The following DNAH9 variants were observed in gnomAD, a reference collection of about 807,000 sequenced individuals.
The protein encoded by DNAH9 is dynein axonemal heavy chain 9.
In DNAH9, 345 loss-of-function variants were observed where a neutral mutation model predicts 471.6. The observed-to-expected ratio is 0.73, with a 90% confidence interval of 0.67 to 0.80. The LOEUF is 0.80. Ranked by LOEUF, DNAH9 falls within the 30% of genes least tolerant of loss-of-function variation. The probability of loss-of-function intolerance (pLI) is 0.00; values close to 1 mark genes in which losing one functional copy is unlikely to be tolerated. For synonymous variants in DNAH9, 2,093 were observed against 2,123.6 expected (o/e 0.99, Z 0.40); for missense variants, 5,407 against 5,609.2 (o/e 0.96, Z 1.15).
chr17:11,806,873 G>T, intron 43 of DNAH9, among the ~76,000 whole-genome samples: 1 of 152,102 alleles, frequency 6.6e-6, no homozygotes, highest in East Asian at 1.9e-4. Flanking sequence ...GTAGCACCTT[G>T]CATAAGGTAT....
At chr17:11,715,342 G>A (rs1229060154) in intron 26 of DNAH9, among the ~76,000 whole-genome samples, 1 of 152,120 alleles carries the variant, frequency 6.6e-6, no homozygotes, top group Non-Finnish European at 1.5e-5. Flanking sequence ...AACAAAACCT[G>A]TAGAAGTTAT....
intron 33 of DNAH9, among the ~76,000 whole-genome samples, chr17:11,754,491 T>C (rs1383220764): frequency 6.6e-6 from 1 of 152,194 alleles, no homozygotes; most frequent in African/African-American, 2.4e-5. Context: ...CCAGCCTCTG[T>C]TCTTTTATTG....
chr17:11,657,322 A>G (rs528572971), intron 14 of DNAH9, among the ~76,000 whole-genome samples: 13 of 152,180 alleles, frequency 8.5e-5, no homozygotes, highest in African/African-American at 2.9e-4. Context: ...GAAGATTTAT[A>G]CTTTTGAATA....
chr17:11,798,243 T>G (rs780901102), intron 43 of DNAH9, among the ~76,000 whole-genome samples: 4 of 151,698 alleles, frequency 2.6e-5, no homozygotes, highest in Non-Finnish European at 5.9e-5. Context: ...CCATCCTGGC[T>G]AACACGGTGA....
At chr17:11,965,518 T>G (rs1455270332) in intron 68 of DNAH9, among the ~76,000 whole-genome samples, 1 of 152,212 alleles carries the variant, frequency 6.6e-6, no homozygotes, top group East Asian at 1.9e-4. Context: ...AGTGGCCACA[T>G]TATTTAAAAT....
chr17:11,698,180 T>TA (rs375548223), intron 22 of DNAH9, among the ~76,000 whole-genome samples: 35 of 6,580 alleles, frequency 5.3e-3, no homozygotes, highest in East Asian at 0.016. Flanking sequence ...ATTAATATAT[T>TA]ATTATATTAA....
intron 66 of DNAH9, among the ~76,000 whole-genome samples, chr17:11,938,895 G>A (rs8080197): frequency 0.27 from 41,260 of 151,958 alleles, 5,995 homozygotes; most frequent in Middle Eastern, 0.34. Flanking sequence ...CACTGCACCC[G>A]GTCCTAGCTG....
intron 22 of DNAH9, among the ~76,000 whole-genome samples, chr17:11,694,993 A>T (rs2074448709): frequency 6.7e-6 from 1 of 149,998 alleles, no homozygotes; most frequent in Non-Finnish European, 1.5e-5. Flanking sequence ...GGTTCAAGCC[A>T]TCCCCCTGCC....
rs749041379 is a variant in DNAH9, at chr17:11,719,364, C to G, written c.5583C>G (p.His1861Gln). 6.2e-7 allele frequency: 1 copy of G among 1,614,000 alleles called. No homozygotes were observed. Among genetic ancestry groups the G allele is most frequent in the South Asian group, 1.1e-5 (1 of 91,084 alleles). ...RCYITLTQSL[H>Q]LTMSGAPAGP... The stretch of plus-strand genomic sequence containing the variant: ...ACATCACCCTCACCCAGTCCCTGCA[C>G]CTGACCATGAGTGGGGCTCCCGCAG... The change falls in exon 27 of 69, where the codon CAC becomes CAG. Residue 1861 changes from histidine to glutamine, a missense_variant. Physicochemically the swap from His to Gln is conservative, Grantham distance 24 (BLOSUM62 0). Transcript: ENST00000262442.
intron 42 of DNAH9, 53 bp from the exon 43 acceptor site, chr17:11,797,544 A>ACCAGCC: frequency 4.7e-6 from 7 of 1,476,604 alleles, no homozygotes; most frequent in Non-Finnish European, 6.5e-6. Context: ...GCTCTGTGGA[A>ACCAGCC]CCAGCCCCAG....
chr17:11,715,265 C>A (rs2074939448), intron 26 of DNAH9, among the ~76,000 whole-genome samples: 1 of 152,184 alleles, frequency 6.6e-6, no homozygotes, highest in Admixed American at 6.5e-5. Context: ...CGGTTTCCTA[C>A]TTTTCAAGGC....
At chr17:11,941,641 A>C (rs547290625) in intron 66 of DNAH9, among the ~76,000 whole-genome samples, 1 of 152,298 alleles carries the variant, frequency 6.6e-6, no homozygotes, top group South Asian at 2.1e-4. Flanking sequence ...CCAGAACTCA[A>C]GGATAGAAAC....
intron 28 of DNAH9, among the ~76,000 whole-genome samples, chr17:11,733,078 G>A (rs1178033162): frequency 2.0e-5 from 3 of 152,236 alleles, no homozygotes; most frequent in Non-Finnish European, 4.4e-5. Flanking sequence ...AAAAAGTGGT[G>A]AGTGGGTTGC....
At chr17:11,963,272 T>A (rs1043153668) in intron 68 of DNAH9, among the ~76,000 whole-genome samples, 2 of 151,894 alleles carry the variant, frequency 1.3e-5, no homozygotes, top group African/African-American at 4.8e-5. Context: ...CCATCTCTAC[T>A]AAAAATACAA....
chr17:11,644,838 A>G (rs1458876177), intron 11 of DNAH9, 139 bp downstream of exon 11: 2 of 632,534 alleles, frequency 3.2e-6, no homozygotes, highest in East Asian at 2.8e-5. Context: ...GATATTTGTG[A>G]GTACAGTATT....
At chr17:11,878,758 T>C (rs1972606085) in intron 53 of DNAH9, among the ~76,000 whole-genome samples, 1 of 152,172 alleles carries the variant, frequency 6.6e-6, no homozygotes, top group Admixed American at 6.5e-5. Flanking sequence ...TCTCACCATA[T>C]TGCCCAGGCT....
In DNAH9 at chr17:11,797,616, A is replaced by G. The variant is rs200108339; in HGVS notation, c.8243A>G (p.Glu2748Gly). The change falls in exon 43 of 69, where the codon GAG becomes GGG. Residue 2748 changes from glutamate (E) to glycine (G), a missense_variant. Transcript: ENST00000262442. ...KTFDDIEDPV[E>G]QTQSPNLYCH... ...CACCAGGATATTGAAGACCCTGTGGAGCAGACCCAAAGCCCGAACCTGTAT... is the reference window on the plus strand; with the variant it reads ...CACCAGGATATTGAAGACCCTGTGGGGCAGACCCAAAGCCCGAACCTGTAT... 1.2e-6 allele frequency: 2 copies of G among 1,613,414 alleles called. No individual in the cohort carries two copies. The highest frequency in any genetic ancestry group is 1.3e-5 in the African/African-American group (1 of 75,026).
intron 44 of DNAH9, among the ~76,000 whole-genome samples, chr17:11,808,976 G>A (rs1217794332): frequency 2.0e-5 from 3 of 152,170 alleles, no homozygotes; most frequent in Non-Finnish European, 4.4e-5. Flanking sequence ...GGACACTAAG[G>A]TAGCTCTGTG....
rs1393716403 is a variant in DNAH9 at position 11,878,866 on chromosome 17, C to A, written c.10479-1212C>A. ...TACAGGCATGAGCCACCAGGCCTGG[C>A]CCATTTTTAAGTTTTTTGAGTTTTC... On this transcript the variant is annotated intron_variant, in intron 53 of 68. Coordinates refer to ENST00000262442, the MANE Select transcript of DNAH9 (RefSeq NM_001372.4). 2.6e-5 allele frequency among the ~76,000 whole-genome samples: 4 copies of A among 152,094 alleles called. No homozygotes were observed. In the South Asian group the frequency reaches 6.2e-4, roughly 24 times the overall value.
Sources: allele counts gnomAD v4.1 joint callset (sites outside exome capture counted in the v4.1 genomes callset), GRCh38; gene constraint gnomAD v4.1.1; transcripts MANE v1.5; gene names NCBI Gene and HGNC (gene_info 2026-07-23, HGNC 2026-07-21).